The following GLI3 variants were observed in gnomAD, a reference collection of about 807,000 sequenced individuals.
GLI3 encodes GLI family zinc finger 3, also known as transcription activator GLI3.
GLI3 carries 20 observed loss-of-function variants against 100.8 expected under a neutral mutation model. That is an observed-to-expected ratio of 0.20 (90% confidence interval 0.14 to 0.29). The LOEUF (loss-of-function observed/expected upper bound fraction) is 0.29. GLI3 is among the 10% of genes least tolerant of loss of function. GLI3 has a pLI of 1.00. For synonymous variants in GLI3, 938 were observed against 860.5 expected, an observed-to-expected ratio of 1.09 and a Z score of -1.58; for missense variants, 2,040 against 2,128.5, an observed-to-expected ratio of 0.96 and a Z score of 0.82.
chr7:42,113,335 C>A, intron 3 of GLI3: 1 of 631,906 alleles, frequency 1.6e-6, no homozygotes, highest in Non-Finnish European at 2.9e-6. Flanking sequence ...CTGTGCCCAG[C>A]ACCTACGTCC....
intron 2 of GLI3, among the ~76,000 whole-genome samples, chr7:42,211,242 G>A (rs1481168360): frequency 1.3e-5 from 2 of 151,890 alleles, no homozygotes; most frequent in African/African-American, 4.8e-5. Context: ...GAGGGCACAT[G>A]TTTTCTATAA....
intron 4 of GLI3, among the ~76,000 whole-genome samples, chr7:42,067,112 C>T (rs1024714944): frequency 6.6e-6 from 1 of 151,974 alleles, no homozygotes; most frequent in Non-Finnish European, 1.5e-5. Flanking sequence ...TAACATAATC[C>T]AACATAACTC....
At chr7:42,012,366 C>T (rs1788639166) in intron 10 of GLI3, among the ~76,000 whole-genome samples, 1 of 152,112 alleles carries the variant, frequency 6.6e-6, no homozygotes, top group African/African-American at 2.4e-5. Flanking sequence ...TTAGAATCCA[C>T]CTTGCTCCTC....
chr7:42,057,899 C>T (rs763529861), intron 4 of GLI3, among the ~76,000 whole-genome samples: 5 of 151,732 alleles, frequency 3.3e-5, no homozygotes, highest in Admixed American at 1.3e-4. Context: ...GAGGGGTCAG[C>T]GGAGGGGAAT....
intron 12 of GLI3, among the ~76,000 whole-genome samples, chr7:41,973,809 G>C (rs1310824414): frequency 2.0e-5 from 3 of 152,174 alleles, no homozygotes; most frequent in African/African-American, 7.2e-5. Context: ...GTGAAGCAAA[G>C]ATCCTGAAAC....
At chr7:42,115,551 G>A (rs1462947867) in intron 3 of GLI3, among the ~76,000 whole-genome samples, 8 of 152,110 alleles carry the variant, frequency 5.3e-5, no homozygotes, top group South Asian at 2.1e-4. Flanking sequence ...TTCAGGTGAC[G>A]TGGATGTTAC....
At chr7:42,174,600 G>A (rs968579916) in intron 2 of GLI3, among the ~76,000 whole-genome samples, 8 of 152,146 alleles carry the variant, frequency 5.3e-5, no homozygotes, top group East Asian at 1.9e-4. Flanking sequence ...GTTCATGGTC[G>A]CTCTTCCCTG....
chr7:42,078,650 T>C (rs907046541), intron 3 of GLI3, among the ~76,000 whole-genome samples: 63 of 152,032 alleles, frequency 4.1e-4, no homozygotes, highest in African/African-American at 1.4e-3. Context: ...TCACTGTCAC[T>C]GTAGTATCGT....
At position 42,026,425 on chromosome 7, in the gene GLI3, G is replaced by C; in HGVS notation, c.1029-13C>G. On this transcript the variant is annotated splice_polypyrimidine_tract_variant and intron_variant, in intron 7 of 14. Transcript: ENST00000395925. ...GCTCAAGGCAGGGCTGCACGGGGGAGATAAAAAAAGACGATCATCACTTAA... is the reference window on the plus strand; with the variant it reads ...GCTCAAGGCAGGGCTGCACGGGGGACATAAAAAAAGACGATCATCACTTAA... 3 of 1,602,052 alleles carry C rather than the reference G, an allele frequency of 1.9e-6. No homozygotes were observed. The highest frequency in any genetic ancestry group is 2.6e-6 in the Non-Finnish European group (3 of 1,169,594).
intron 12 of GLI3, among the ~76,000 whole-genome samples, chr7:41,975,552 G>T (rs1787486011): frequency 6.6e-6 from 1 of 152,178 alleles, no homozygotes; most frequent in Admixed American, 6.5e-5. Flanking sequence ...AGTAATTTAA[G>T]TAAATTGCTC....
At chr7:42,190,193 A>C (rs572010749) in intron 2 of GLI3, among the ~76,000 whole-genome samples, 1 of 152,240 alleles carries the variant, frequency 6.6e-6, no homozygotes, top group African/African-American at 2.4e-5. Context: ...AAAAGGTAAG[A>C]AGTGAAAATA....
chr7:42,043,622 T>C (rs1784187034), intron 6 of GLI3, among the ~76,000 whole-genome samples: 2 of 152,242 alleles, frequency 1.3e-5, no homozygotes, highest in South Asian at 4.1e-4. Flanking sequence ...TTTTATGTGA[T>C]GAATGATAGG....
chr7:42,132,449 T>G (rs895847689), intron 3 of GLI3, among the ~76,000 whole-genome samples: 1 of 152,200 alleles, frequency 6.6e-6, no homozygotes, highest in African/African-American at 2.4e-5. Flanking sequence ...ACATGATAAT[T>G]GTCATCAAAT....
At chr7:41,984,344 A>C (rs1787754578) in intron 10 of GLI3, among the ~76,000 whole-genome samples, 1 of 152,184 alleles carries the variant, frequency 6.6e-6, no homozygotes, top group Non-Finnish European at 1.5e-5. Flanking sequence ...CAGCTCTCCA[A>C]ATAAAGCCGC....
At chr7:41,984,752 A>G (rs116698042) in intron 10 of GLI3, among the ~76,000 whole-genome samples, 2,778 of 152,328 alleles carry the variant, frequency 0.018, 74 homozygotes, top group African/African-American at 0.064. Context: ...TCCCCTGCGC[A>G]TGTACTTTTC....
intron 4 of GLI3, among the ~76,000 whole-genome samples, chr7:42,065,737 C>G (rs1784660800): frequency 6.6e-6 from 1 of 152,170 alleles, no homozygotes; most frequent in Non-Finnish European, 1.5e-5. Context: ...GGGCTCCCCT[C>G]TCACCCTACA....
chr7:42,200,492 C>T (rs183490189), intron 2 of GLI3, among the ~76,000 whole-genome samples: 100 of 152,166 alleles, frequency 6.6e-4, no homozygotes, highest in Non-Finnish European at 9.8e-4. Context: ...CACTACCTCC[C>T]GTATCCACTA....
intron 3 of GLI3, among the ~76,000 whole-genome samples, chr7:42,135,817 G>A (rs1372358200): frequency 2.0e-5 from 3 of 152,092 alleles, no homozygotes; most frequent in Non-Finnish European, 4.4e-5. Context: ...CCATATTAGC[G>A]GGACTGTTGG....
chr7:42,048,749 A>C, intron 4 of GLI3, 53 bp from the exon 5 acceptor site: 83 of 1,139,310 alleles, frequency 7.3e-5, no homozygotes, highest in Non-Finnish European at 1.0e-4. Context: ...AAATATCTCC[A>C]CAGGCAGAGG....
Sources: gnomAD v4.1 joint callset for allele counts (sites outside exome capture counted in the v4.1 genomes callset) on GRCh38, gnomAD v4.1.1 for gene constraint, MANE v1.5 for transcripts, NCBI Gene and HGNC (gene_info 2026-07-23, HGNC 2026-07-21) for gene names.